ABHD17B: variants seen among roughly 807,000 people sequenced by gnomAD.
ABHD17B encodes abhydrolase domain containing 17B, depalmitoylase.
A neutral mutation model predicts 26.2 loss-of-function variants in ABHD17B; 9 were observed. The observed-to-expected ratio is 0.34, with a 90% CI of 0.21 to 0.60. The LOEUF is 0.60. Among genes scored for constraint, ABHD17B ranks in the 20% least tolerant of loss-of-function variants. The pLI, the probability that ABHD17B is intolerant of heterozygous loss-of-function variation, is 0.80. For missense variants in ABHD17B, 224 were observed against 352.1 expected (o/e 0.64, Z 2.91); for synonymous variants, 127 against 122.3 (o/e 1.04, Z -0.25).
chr9:71,885,401 A>C lies in ABHD17B; in HGVS notation c.-3-10318T>G, dbSNP rs573963341. ...CTTGAACCCGGGAAGCAGAGGTTAC[A>C]GTGAGCCGAGATTGCACCACTGCAC... On this transcript the variant is annotated intron_variant, in intron 1 of 3. Transcript: ENST00000333421. Among the ~76,000 whole-genome samples the C allele has an allele frequency of 6.7e-5, 10 of 149,696 alleles. No homozygotes were observed. In the East Asian group the frequency reaches 2.0e-3, roughly 30 times the overall value.
At chr9:71,902,599 C>T (rs10123159) in intron 1 of ABHD17B, 1 of 152,026 alleles carries the variant, frequency 6.6e-6, no homozygotes, top group Admixed American at 6.5e-5. Context: ...TTAAAAAGCT[C>T]GGAAGAAAAT....
intron 1 of ABHD17B, among the ~76,000 whole-genome samples, chr9:71,900,754 C>A (rs183782254): frequency 6.6e-6 from 1 of 151,998 alleles, no homozygotes; most frequent in South Asian, 2.1e-4. Flanking sequence ...TGATACTATC[C>A]CCCCCTCATC....
In ABHD17B at chr9:71,894,165, GACACA is replaced by G. The variant is rs950730951; in HGVS notation, c.-4+16464_-4+16468del. Among the ~76,000 whole-genome samples the G allele has an allele frequency of 2.1e-5, 3 of 144,408 alleles. No homozygotes were observed. In the Admixed American group the frequency reaches 2.1e-4, roughly 10 times the overall value. 94.7% of individuals were successfully genotyped at this position (144,408 alleles called of 152,430 possible). On this transcript the variant is annotated intron_variant, in intron 1 of 3. Coordinates refer to ENST00000333421, the MANE Select transcript of ABHD17B (RefSeq NM_001025780.3). The stretch of plus-strand genomic sequence containing the variant: ...ATTCTAAGGATTGTTGGAGTTGTAT[GACACA>G]ACACAAGAATGAAGATCAAATATAT...
chr9:71,897,670 C>T (rs908512521), intron 1 of ABHD17B, among the ~76,000 whole-genome samples: 1 of 152,062 alleles, frequency 6.6e-6, no homozygotes, highest in African/African-American at 2.4e-5. Context: ...AACATTTATG[C>T]ACTCTCAATA....
rs373175774 is a variant in ABHD17B, at chr9:71,866,921, C to T, written c.733G>A (p.Ala245Thr). Residue 245 changes from alanine (A) to threonine (T), a missense_variant, in exon 4 of 4, where the codon GCA becomes ACA. Physicochemically the swap from Ala to Thr is moderately conservative, Grantham distance 58. Transcript: ENST00000333421. Reference protein sequence around the residue: ...DEVIDFSHGLALFERCQRPVE... With the variant: ...DEVIDFSHGLTLFERCQRPVE... ...GGTCTTTGGCAACGTTCAAACAATG[C>T]GAGGCCATGTGAAAAGTCAATGACT... The T allele has an allele frequency of 6.8e-6, 11 of 1,613,954 alleles. No homozygotes were observed. The highest frequency in any genetic ancestry group is 2.2e-5 in the South Asian group (2 of 91,072).
chr9:71,892,624 A>G (rs2025438), intron 1 of ABHD17B, among the ~76,000 whole-genome samples: 141,500 of 151,048 alleles, frequency 0.94, 66,905 homozygotes, highest in East Asian at 1. Flanking sequence ...AAATTTATAA[A>G]CATAAATTTA....
chr9:71,865,433 G>C lies in ABHD17B; in HGVS notation c.*1354C>G. The C allele has an allele frequency of 1.0e-6, 1 of 984,342 alleles. No homozygotes were observed. The highest frequency in any genetic ancestry group is 1.2e-6 in the Non-Finnish European group (1 of 828,972). 61.0% of individuals were successfully genotyped at this position (984,342 alleles called of 1,614,324 possible). ...TTCAAGGAAAGGCAACTTAGTTTTT[G>C]TATGTGTGAGCTTTATTTTTTTACT... On this transcript the variant is annotated 3_prime_UTR_variant, in exon 4 of 4. Coordinates refer to ENST00000333421, the MANE Select transcript of ABHD17B (RefSeq NM_001025780.3).
chr9:71,901,376 G>T (rs770296834), intron 1 of ABHD17B, among the ~76,000 whole-genome samples: 1 of 151,882 alleles, frequency 6.6e-6, no homozygotes, highest in Non-Finnish European at 1.5e-5. Flanking sequence ...TAACAATTTC[G>T]AAGTATAACA....
chr9:71,884,699 T>C (rs1179578971), intron 1 of ABHD17B, among the ~76,000 whole-genome samples: 1 of 150,860 alleles, frequency 6.6e-6, no homozygotes, highest in Non-Finnish European at 1.5e-5. Context: ...TTGATGGTGA[T>C]AATGCGCCAT....
chr9:71,884,366 C>A (rs1252713264), intron 1 of ABHD17B, among the ~76,000 whole-genome samples: 1 of 151,978 alleles, frequency 6.6e-6, no homozygotes, highest in Non-Finnish European at 1.5e-5. Flanking sequence ...GCCTGAGATG[C>A]AATATAGGTT....
intron 1 of ABHD17B, among the ~76,000 whole-genome samples, chr9:71,885,150 A>C (rs1826567053): frequency 6.6e-6 from 1 of 151,990 alleles, no homozygotes; most frequent in Admixed American, 6.6e-5. Context: ...TAAATACACA[A>C]AATGAAAGGT....
chr9:71,904,471 T>C (rs528488887), intron 1 of ABHD17B, among the ~76,000 whole-genome samples: 1 of 152,376 alleles, frequency 6.6e-6, no homozygotes, highest in Non-Finnish European at 1.5e-5. Flanking sequence ...CATTTAAATT[T>C]AGCCTGAAAT....
chr9:71,882,588 G>A (rs1826477989), intron 1 of ABHD17B, among the ~76,000 whole-genome samples: 1 of 151,828 alleles, frequency 6.6e-6, no homozygotes, highest in Admixed American at 6.6e-5. Flanking sequence ...AACTCGGGAG[G>A]CGGAGGTTGC....
chr9:71,898,904 C>CCT (rs1827048218), intron 1 of ABHD17B, among the ~76,000 whole-genome samples: 1 of 152,090 alleles, frequency 6.6e-6, no homozygotes, highest in African/African-American at 2.4e-5. Flanking sequence ...GGATGGATCA[C>CCT]CTGAGGTCAG....
chr9:71,872,822 A>G (rs565794552), intron 2 of ABHD17B, among the ~76,000 whole-genome samples: 1 of 152,244 alleles, frequency 6.6e-6, no homozygotes, highest in Admixed American at 6.5e-5. Context: ...CAATTAAACA[A>G]TAACTTTACC....
chr9:71,878,410 TAAGACTATTTAAG>T (rs1300780261), intron 1 of ABHD17B, among the ~76,000 whole-genome samples: 1 of 152,024 alleles, frequency 6.6e-6, no homozygotes, highest in Non-Finnish European at 1.5e-5. Flanking sequence ...AAAATAAAGA[TAAGACTATTTAAG>T]AATTTCTCAG....
At chr9:71,868,307 A>C (rs1826015760) in intron 3 of ABHD17B, among the ~76,000 whole-genome samples, 1 of 152,192 alleles carries the variant, frequency 6.6e-6, no homozygotes, top group African/African-American at 2.4e-5. Flanking sequence ...CTAAATCTTG[A>C]TTGTCTGCTT....
In ABHD17B at chr9:71,870,119, T is replaced by G; in HGVS notation, c.611A>C (p.Asp204Ala). The G allele has an allele frequency of 6.2e-7, 1 of 1,613,528 alleles. No homozygotes were observed. Among genetic ancestry groups the G allele is most frequent in the Non-Finnish European group, 8.5e-7 (1 of 1,179,824 alleles). The change falls in exon 3 of 4, where the codon GAT becomes GCT. Residue 204 changes from aspartate (D) to alanine (A), a missense_variant. Transcript: ENST00000333421. ...LTSGMRVAFP[D>A]TKKTYCFDAF... is the part of the protein sequence containing the mutation. ...ATCAAAACAGTAGGTCTTCTTGGTA[T>G]CAGGAAAGGCAACTCGCATTCCCGA...
chr9:71,905,835 G>C (rs1827265459), intron 1 of ABHD17B, among the ~76,000 whole-genome samples: 2 of 152,106 alleles, frequency 1.3e-5, no homozygotes, highest in South Asian at 4.1e-4. Flanking sequence ...CTTGAGCTCA[G>C]GAGTTCAAGA....
Sources: gnomAD v4.1 joint callset for allele counts (sites outside exome capture counted in the v4.1 genomes callset) on GRCh38, gnomAD v4.1.1 for gene constraint, MANE v1.5 for transcripts, NCBI Gene and HGNC (gene_info 2026-07-23, HGNC 2026-07-21) for gene names.